The following MAGI2 variants were observed in gnomAD, a reference collection of about 807,000 sequenced individuals.
MAGI2 encodes membrane-associated guanylate kinase, WW and PDZ domain-containing protein 2.
A neutral mutation model predicts 133.3 loss-of-function variants in MAGI2; 35 were observed. The ratio of observed to expected loss-of-function variants is 0.26; its 90% confidence interval spans 0.20 to 0.35. The LOEUF is 0.35. Among genes scored for constraint, MAGI2 ranks in the 10% least tolerant of loss-of-function variants. MAGI2 has a pLI of 1.00. For missense variants in MAGI2, 1,636 were observed against 1,863.4 expected (o/e 0.88, Z 2.25); for synonymous variants, 729 against 710.6 (o/e 1.03, Z -0.41).
At chr7:78,682,320 C>T (rs1193235845) in intron 2 of MAGI2, among the ~76,000 whole-genome samples, 6 of 152,038 alleles carry the variant, frequency 3.9e-5, no homozygotes, top group Non-Finnish European at 8.8e-5. Flanking sequence ...GTTTGCTGCA[C>T]CAATCGACCC....
At chr7:78,329,952 A>G (rs1261579190) in intron 9 of MAGI2, among the ~76,000 whole-genome samples, 1 of 152,196 alleles carries the variant, frequency 6.6e-6, no homozygotes, top group Non-Finnish European at 1.5e-5. Context: ...GTCTAAAATG[A>G]TTTAAAGAAG....
At chr7:78,600,874 G>A (rs1176842124) in intron 3 of MAGI2, among the ~76,000 whole-genome samples, 1 of 152,154 alleles carries the variant, frequency 6.6e-6, no homozygotes, top group Non-Finnish European at 1.5e-5. Context: ...AATGTGAACT[G>A]TATTTCAGAA....
chr7:78,766,178 C>T (rs1825010899), intron 2 of MAGI2, among the ~76,000 whole-genome samples: 1 of 152,092 alleles, frequency 6.6e-6, no homozygotes, highest in African/African-American at 2.4e-5. Context: ...CGGGGTTGTG[C>T]TTTTGTGGAA....
intron 3 of MAGI2, among the ~76,000 whole-genome samples, chr7:78,523,405 G>A (rs977777426): frequency 6.6e-6 from 1 of 152,030 alleles, no homozygotes; most frequent in Non-Finnish European, 1.5e-5. Flanking sequence ...CGTGAACCTG[G>A]GAGGCGGAAG....
intron 18 of MAGI2, among the ~76,000 whole-genome samples, chr7:78,127,725 C>G (rs1266314344): frequency 6.6e-6 from 1 of 152,166 alleles, no homozygotes; most frequent in African/African-American, 2.4e-5. Context: ...AACTGTACAG[C>G]CACAGCAAAT....
chr7:78,438,104 G>T (rs976733794), intron 6 of MAGI2, among the ~76,000 whole-genome samples: 10 of 152,088 alleles, frequency 6.6e-5, no homozygotes, highest in African/African-American at 2.2e-4. Flanking sequence ...ACAAGGTAAG[G>T]AATCAACTGG....
At chr7:79,429,803 A>T (rs752845913) in intron 1 of MAGI2, among the ~76,000 whole-genome samples, 3 of 152,174 alleles carry the variant, frequency 2.0e-5, no homozygotes, top group Non-Finnish European at 2.9e-5. Flanking sequence ...TTTCTAATAA[A>T]AATAATATGA....
intron 9 of MAGI2, among the ~76,000 whole-genome samples, chr7:78,336,528 G>A (rs1339757821): frequency 6.6e-6 from 1 of 152,132 alleles, no homozygotes; most frequent in Non-Finnish European, 1.5e-5. Flanking sequence ...TTTGAGACCA[G>A]CCTAGGCAAC....
chr7:78,649,429 A>G (rs1811305639), intron 2 of MAGI2, among the ~76,000 whole-genome samples: 1 of 151,948 alleles, frequency 6.6e-6, no homozygotes, highest in African/African-American at 2.4e-5. Flanking sequence ...AACATCTACA[A>G]TCATGGCGAA....
At chr7:78,616,470 T>A (rs573900847) in intron 3 of MAGI2, 1 of 152,076 alleles carries the variant, frequency 6.6e-6, no homozygotes, top group Non-Finnish European at 1.5e-5. Context: ...ATTGAAGGTA[T>A]AGTTTTGTTG....
Position 78,194,872 on chromosome 7 carries a change from AC to A in MAGI2, c.2269+1del. ...CCCTTGTTTCATGTGGCTTTCACTT[AC>A]GCCTACTTTCATAAATGGCCCTAGA... On this transcript the variant is annotated splice_donor_variant, in intron 12 of 21. Transcript: ENST00000354212. LOFTEE classifies it high-confidence loss of function. 6.3e-7 allele frequency: 1 copy of A among 1,596,314 alleles called. No individual in the cohort carries two copies. The highest frequency in any genetic ancestry group is 1.1e-5 in the South Asian group (1 of 88,028).
At chr7:79,430,836 C>T (rs1206470782) in intron 1 of MAGI2, among the ~76,000 whole-genome samples, 1 of 152,208 alleles carries the variant, frequency 6.6e-6, no homozygotes, top group Non-Finnish European at 1.5e-5. Flanking sequence ...TACTTCCAAA[C>T]TATGCCATAG....
intron 7 of MAGI2, among the ~76,000 whole-genome samples, chr7:78,354,190 C>T (rs2151212918): frequency 6.6e-6 from 1 of 152,238 alleles, no homozygotes. Context: ...AGGGAAATAG[C>T]CATTTCTGTG....
At chr7:78,248,772 A>G (rs986167730) in intron 10 of MAGI2, among the ~76,000 whole-genome samples, 5 of 152,168 alleles carry the variant, frequency 3.3e-5, no homozygotes, top group Non-Finnish European at 7.4e-5. Flanking sequence ...AAGGTACTAT[A>G]GTAAAACATG....
chr7:78,186,174 T>C (rs915260976), intron 12 of MAGI2, among the ~76,000 whole-genome samples: 2 of 152,168 alleles, frequency 1.3e-5, no homozygotes, highest in Admixed American at 1.3e-4. Flanking sequence ...TATGTATAAG[T>C]AGTTGAGTTA....
At chr7:79,353,263 C>T in intron 1 of MAGI2, 1 of 319,606 alleles carries the variant, frequency 3.1e-6, no homozygotes, top group Non-Finnish European at 6.3e-6. Context: ...CCCTCCTCTT[C>T]TCAGCCCTGG....
chr7:78,373,473 G>T (rs1162100240), intron 6 of MAGI2, among the ~76,000 whole-genome samples: 1 of 152,136 alleles, frequency 6.6e-6, no homozygotes, highest in Non-Finnish European at 1.5e-5. Flanking sequence ...GAGCCACTTT[G>T]TAGTATTTTT....
At chr7:78,260,162 C>A (rs1404604385) in intron 9 of MAGI2, among the ~76,000 whole-genome samples, 1 of 152,076 alleles carries the variant, frequency 6.6e-6, no homozygotes, top group Non-Finnish European at 1.5e-5. Context: ...AAGTCATGCC[C>A]AAAACTCTTA....
intron 1 of MAGI2, among the ~76,000 whole-genome samples, chr7:79,228,249 T>C (rs771765408): frequency 1.5e-4 from 22 of 150,040 alleles, no homozygotes; most frequent in Middle Eastern, 3.2e-3. Flanking sequence ...GAGGCTGAGG[T>C]TGGGGATTGC....
Sources: allele counts gnomAD v4.1 joint callset (sites outside exome capture counted in the v4.1 genomes callset), GRCh38; gene constraint gnomAD v4.1.1; transcripts MANE v1.5; gene names NCBI Gene and HGNC (gene_info 2026-07-23, HGNC 2026-07-21).